Variants in AVEN observed in about 807,000 individuals in gnomAD.
The protein encoded by AVEN is apoptosis and caspase activation inhibitor.
In AVEN, 41 loss-of-function variants were observed where a neutral mutation model predicts 38.1. That is an observed-to-expected ratio of 1.08 (90% CI 0.84 to 1.40). AVEN has a LOEUF of 1.40. AVEN is among the 40% of genes most tolerant of loss of function. The pLI is 0.00. For missense variants in AVEN, 605 were observed against 438.8 expected, an observed-to-expected ratio of 1.38 and a Z score of -3.38; for synonymous variants, 206 against 171.8, an observed-to-expected ratio of 1.20 and a Z score of -1.56.
At chr15:33,910,244 A>G (rs1892869974) in intron 2 of AVEN, among the ~76,000 whole-genome samples, 1 of 152,078 alleles carries the variant, frequency 6.6e-6, no homozygotes. Flanking sequence ...AGATCTTTCA[A>G]TGGGGAGCTA....
chr15:33,855,004 A>G, downstream of AVEN: 2 of 1,276,654 alleles, frequency 1.6e-6, no homozygotes, highest in Non-Finnish European at 1.0e-6. Flanking sequence ...ACAGGAAGGA[A>G]TATGTCTTGG....
At chr15:33,925,304 A>T (rs1019250335) in intron 2 of AVEN, among the ~76,000 whole-genome samples, 1 of 152,142 alleles carries the variant, frequency 6.6e-6, no homozygotes. Flanking sequence ...ATCTACCCCA[A>T]CCTCCCTCTG....
chr15:34,037,763 C>CA (rs1899216147), intron 1 of AVEN, among the ~76,000 whole-genome samples: 1 of 151,838 alleles, frequency 6.6e-6, no homozygotes, highest in Non-Finnish European at 1.5e-5. Context: ...AAGTTTTATA[C>CA]TTTTTTTTCC....
At chr15:33,963,669 C>T (rs1219800264) in intron 2 of AVEN, among the ~76,000 whole-genome samples, 2 of 151,690 alleles carry the variant, frequency 1.3e-5, no homozygotes, top group Non-Finnish European at 2.9e-5. Flanking sequence ...TGATGGTGGG[C>T]GCCTATAATC....
intron 2 of AVEN, among the ~76,000 whole-genome samples, chr15:34,068,977 A>G (rs954133290): frequency 1.3e-5 from 2 of 151,748 alleles, no homozygotes; most frequent in Non-Finnish European, 2.9e-5. Flanking sequence ...ACGCCCGGCT[A>G]ATTTTTTGTA....
At chr15:33,911,169 C>T (rs1892905387) in intron 2 of AVEN, among the ~76,000 whole-genome samples, 1 of 152,160 alleles carries the variant, frequency 6.6e-6, no homozygotes, top group East Asian at 1.9e-4. Context: ...CTTCTCATCA[C>T]TCACAGTATC....
chr15:33,895,480 C>T (rs116009351), intron 2 of AVEN, among the ~76,000 whole-genome samples: 4,689 of 152,076 alleles, frequency 0.031, 235 homozygotes, highest in African/African-American at 0.11. Flanking sequence ...TATTCACCAC[C>T]ATGCCCAGCT....
At chr15:33,910,408 C>G (rs934257305) in intron 2 of AVEN, among the ~76,000 whole-genome samples, 2 of 152,290 alleles carry the variant, frequency 1.3e-5, no homozygotes, top group Admixed American at 6.5e-5. Flanking sequence ...TACTCAATAC[C>G]TGCACAGCAT....
intron 2 of AVEN, among the ~76,000 whole-genome samples, chr15:33,981,731 T>A (rs1896153255): frequency 6.6e-6 from 1 of 152,212 alleles, no homozygotes; most frequent in African/African-American, 2.4e-5. Context: ...GCTTAATTTA[T>A]CTCATCTATA....
chr15:34,002,747 T>C (rs1415787787), intron 2 of AVEN, among the ~76,000 whole-genome samples: 1 of 152,212 alleles, frequency 6.6e-6, no homozygotes, highest in Non-Finnish European at 1.5e-5. Context: ...TTTCTCAGAC[T>C]ATCAAATTTA....
chr15:34,026,879 C>G (rs984877344), intron 1 of AVEN, among the ~76,000 whole-genome samples: 2 of 152,044 alleles, frequency 1.3e-5, no homozygotes, highest in African/African-American at 4.8e-5. Context: ...CTCTGTTGTT[C>G]CAAAGACTAG....
At chr15:33,920,934 C>G (rs1893372011) in intron 2 of AVEN, among the ~76,000 whole-genome samples, 2 of 152,076 alleles carry the variant, frequency 1.3e-5, no homozygotes, top group African/African-American at 2.4e-5. Flanking sequence ...CACCACCACA[C>G]CCAGCTAATT....
At chr15:33,904,716 T>TACACACACACAC (rs371204081) in intron 2 of AVEN, among the ~76,000 whole-genome samples, 1 of 143,292 alleles carries the variant, frequency 7.0e-6, no homozygotes, top group African/African-American at 2.6e-5. Flanking sequence ...TATATATATA[T>TACACACACACAC]ACACACACAC....
intron 5 of AVEN, among the ~76,000 whole-genome samples, chr15:34,050,825 A>G (rs1379585798): frequency 6.6e-6 from 1 of 152,240 alleles, no homozygotes; most frequent in Non-Finnish European, 1.5e-5. Flanking sequence ...TATGCACCCA[A>G]TACAGGAGCA....
chr15:34,040,081 A>C (rs1014166360), upstream of AVEN, among the ~76,000 whole-genome samples: 3 of 152,184 alleles, frequency 2.0e-5, no homozygotes, highest in Non-Finnish European at 2.9e-5. Flanking sequence ...GTTCTTTCCT[A>C]TATCCATACA....
intron 4 of AVEN, among the ~76,000 whole-genome samples, chr15:33,868,875 T>G (rs990653217): frequency 6.6e-6 from 1 of 152,178 alleles, no homozygotes; most frequent in Non-Finnish European, 1.5e-5. Flanking sequence ...TGCACTTTTC[T>G]GAATCGATGT....
intron 4 of AVEN, chr15:34,065,829 T>G (rs1322603978): frequency 2.6e-5 from 4 of 152,208 alleles, no homozygotes; most frequent in Non-Finnish European, 5.9e-5. Context: ...CAGACATTAT[T>G]TAACTCGTTG....
chr15:33,940,372 T>C (rs570828093), intron 2 of AVEN, among the ~76,000 whole-genome samples: 1 of 152,316 alleles, frequency 6.6e-6, no homozygotes, highest in African/African-American at 2.4e-5. Flanking sequence ...CTTTCAGCTC[T>C]TCCCTAAGTT....
chr15:33,913,411 C>T (rs1302527105), intron 2 of AVEN, among the ~76,000 whole-genome samples: 1 of 152,114 alleles, frequency 6.6e-6, no homozygotes, highest in Admixed American at 6.5e-5. Flanking sequence ...TAGAGACAAC[C>T]AAAACATCAT....
Sources: allele counts gnomAD v4.1 joint callset (sites outside exome capture counted in the v4.1 genomes callset), GRCh38; gene constraint gnomAD v4.1.1; transcripts MANE v1.5; gene names NCBI Gene and HGNC (gene_info 2026-07-23, HGNC 2026-07-21).